KIRREL3: variants seen among roughly 807,000 people sequenced by gnomAD.
KIRREL3 encodes kin of IRRE-like protein 3.
In KIRREL3, 36 loss-of-function variants were observed where a neutral mutation model predicts 89.7. The observed-to-expected ratio is 0.40, with a 90% confidence interval of 0.31 to 0.53. The LOEUF (loss-of-function observed/expected upper bound fraction) is 0.53. Ranked by LOEUF, KIRREL3 falls within the 20% of genes least tolerant of loss-of-function variation. KIRREL3 has a pLI of 0.49. For synonymous variants in KIRREL3, 445 were observed against 441.4 expected (o/e 1.01, Z -0.10); for missense variants, 864 against 1,056.6 (o/e 0.82, Z 2.53).
rs1054232541 is a variant in KIRREL3 at position 126,459,778 on chromosome 11, G to A, written c.743-3324C>T. ...AAGTATTACATGGAGGAGAGGGTGG[G>A]AAAAGAGAGAATCTTCATGACTCAG... On this transcript the variant is annotated intron_variant, in intron 6 of 16. Transcript: ENST00000525144. The surrounding 1 kb of genome is among the most constrained non-coding windows in gnomAD (Gnocchi z 4.8). 2.0e-5 allele frequency among the ~76,000 whole-genome samples: 3 copies of A among 152,058 alleles called. No individual in the cohort carries two copies. The highest frequency in any genetic ancestry group is 4.4e-5 in the Non-Finnish European group (3 of 68,024).
intron 1 of KIRREL3, among the ~76,000 whole-genome samples, chr11:126,743,583 C>A (rs1033605764): frequency 6.6e-6 from 1 of 152,192 alleles, no homozygotes; most frequent in Non-Finnish European, 1.5e-5. Flanking sequence ...TCTTGTTGGA[C>A]GAATGGCAGT....
At position 126,622,736 on chromosome 11, in the gene KIRREL3, C is replaced by G. The variant is rs969207944; in HGVS notation, c.56-59824G>C. ...AAACTCCACAAAACTTCAGTGGAGA[C>G]TAGATTCTTGACTACTAGGAACTCA... On this transcript the variant is annotated intron_variant, in intron 1 of 16. Coordinates refer to ENST00000525144, the MANE Select transcript of KIRREL3 (RefSeq NM_032531.4). This position sits in a 1 kb window ranked among gnomAD's most constrained non-coding sequence, Gnocchi z 5.2. 1.3e-5 allele frequency among the ~76,000 whole-genome samples: 2 copies of G among 152,154 alleles called. No homozygotes were observed. The highest frequency in any genetic ancestry group is 2.9e-5 in the Non-Finnish European group (2 of 68,026).
In KIRREL3 at chr11:126,430,137, C is replaced by CAAAAAAA. The variant is rs138112843; in HGVS notation, c.1697-856_1697-850dup. ...TGGGCAACAGGATGAGACTCTGTCT[C>CAAAAAAA]AAAAAAAAAAAAGGAAATTCTTGAG... is the stretch of plus-strand genomic sequence containing the variant. On this transcript the variant is annotated intron_variant, in intron 14 of 16. Transcript: ENST00000525144. This position sits in a 1 kb window ranked among gnomAD's most constrained non-coding sequence, Gnocchi z 6.6. Among the ~76,000 whole-genome samples the CAAAAAAA allele has an allele frequency of 4.7e-5, 6 of 127,674 alleles. No individual in the cohort carries two copies. The highest frequency in any genetic ancestry group is 8.2e-5 in the Non-Finnish European group (5 of 60,664). 83.8% of individuals were successfully genotyped at this position (127,674 alleles called of 152,430 possible).
intron 1 of KIRREL3, among the ~76,000 whole-genome samples, chr11:126,869,360 G>C (rs972809295): frequency 6.6e-6 from 1 of 152,040 alleles, no homozygotes; most frequent in South Asian, 2.1e-4. Flanking sequence ...ATAAGGAACC[G>C]TTGCTGCCTA....
chr11:126,533,347 C>A (rs1959001328), intron 2 of KIRREL3, among the ~76,000 whole-genome samples: 2 of 152,156 alleles, frequency 1.3e-5, no homozygotes, highest in Non-Finnish European at 2.9e-5. Context: ...TCCTCGCCCC[C>A]AGGAACTCAT....
Position 126,558,878 on chromosome 11 carries a change from G to A in KIRREL3, c.133+3957C>T, listed in dbSNP as rs1939898529. On this transcript the variant is annotated intron_variant, in intron 2 of 16. Transcript: ENST00000525144. This position sits in a 1 kb window ranked among gnomAD's most constrained non-coding sequence, Gnocchi z 4.0. ...TATACATGTGTGCAGGTGTGTGCAT[G>A]CATGTGTGCATGTATACATATGCAT... 6.6e-6 allele frequency among the ~76,000 whole-genome samples: 1 copy of A among 151,046 alleles called. No individual in the cohort carries two copies. Among genetic ancestry groups the A allele is most frequent in the Non-Finnish European group, 1.5e-5 (1 of 67,634 alleles).
chr11:126,871,966 T>A (rs1945124065), intron 1 of KIRREL3, among the ~76,000 whole-genome samples: 1 of 152,162 alleles, frequency 6.6e-6, no homozygotes, highest in Non-Finnish European at 1.5e-5. Flanking sequence ...TATCCTCCTG[T>A]TTCACCACAG....
In KIRREL3 at chr11:126,745,471, C is replaced by G. The variant is rs1414594738; in HGVS notation, c.56-182559G>C. ...AAGATCAAGATGGAAAACAAACAAACAAACAAACAAACAAACAGAAAAACA... is the reference window on the plus strand; with the variant it reads ...AAGATCAAGATGGAAAACAAACAAAGAAACAAACAAACAAACAGAAAAACA... On this transcript the variant is annotated intron_variant, in intron 1 of 16. Transcript: ENST00000525144. Among the ~76,000 whole-genome samples the G allele has an allele frequency of 6.4e-4, 84 of 131,214 alleles. 2 individuals carry two copies. Among genetic ancestry groups the G allele is most frequent in the African/African-American group, 2.1e-3 (67 of 32,636 alleles). The allele number at this position is 131,214 out of a possible 152,430, so 86.1% of individuals were successfully genotyped here.
At chr11:126,866,562 C>T (rs1033165295) in intron 1 of KIRREL3, among the ~76,000 whole-genome samples, 74 of 148,548 alleles carry the variant, frequency 5.0e-4, no homozygotes, top group Middle Eastern at 3.4e-3. Context: ...CCTGTGCCCA[C>T]GGGCCTAAGT....
At chr11:126,478,720 GGT>G (rs1306950249) in intron 4 of KIRREL3, among the ~76,000 whole-genome samples, 3 of 151,892 alleles carry the variant, frequency 2.0e-5, no homozygotes, top group Admixed American at 1.3e-4. Flanking sequence ...CATGTGTATG[GGT>G]GTGTGTATAC....
At chr11:126,712,938 T>C (rs991416236) in intron 1 of KIRREL3, among the ~76,000 whole-genome samples, 2 of 152,176 alleles carry the variant, frequency 1.3e-5, no homozygotes, top group African/African-American at 4.8e-5. Context: ...GGCGTGGTGC[T>C]AGGTATTAGG....
rs1395543479 is a variant in KIRREL3 at position 126,486,468 on chromosome 11, T to C, written c.434-13002A>G. 6.6e-6 allele frequency among the ~76,000 whole-genome samples: 1 copy of C among 152,168 alleles called. No individual in the cohort carries two copies. Among genetic ancestry groups the C allele is most frequent in the Non-Finnish European group, 1.5e-5 (1 of 68,020 alleles). ...CTGCAGGATGGGTGAGAGCGCTTCT[T>C]AGGTGTGTTTGCAGGAATAACCGGC... On this transcript the variant is annotated intron_variant, in intron 4 of 16. Transcript: ENST00000525144. The surrounding 1 kb of genome is among the most constrained non-coding windows in gnomAD (Gnocchi z 6.2).
intron 4 of KIRREL3, among the ~76,000 whole-genome samples, chr11:126,503,483 TAAAAAAC>T (rs993100503): frequency 2.0e-5 from 3 of 152,122 alleles, no homozygotes; most frequent in African/African-American, 7.2e-5. Context: ...CAGTGTGGTA[TAAAAAAC>T]ATTTGGGTAG....
chr11:126,583,595 G>A (rs369193284), intron 1 of KIRREL3, among the ~76,000 whole-genome samples: 5 of 152,230 alleles, frequency 3.3e-5, no homozygotes, highest in Admixed American at 1.3e-4. Context: ...AAATCCCAGC[G>A]TTGTCACTTA....
chr11:126,581,150 A>G (rs890524648), intron 1 of KIRREL3, among the ~76,000 whole-genome samples: 1 of 151,998 alleles, frequency 6.6e-6, no homozygotes, highest in African/African-American at 2.4e-5. Flanking sequence ...CATTGATTAA[A>G]TTTTCAAATA....
intron 11 of KIRREL3, among the ~76,000 whole-genome samples, chr11:126,439,371 T>A (rs1227857763): frequency 6.6e-6 from 1 of 151,588 alleles, no homozygotes; most frequent in Non-Finnish European, 1.5e-5. Context: ...CTCACCTTAA[T>A]TTTTTTGTTG....
At chr11:126,637,894 T>C (rs1182166017) in intron 1 of KIRREL3, among the ~76,000 whole-genome samples, 1 of 152,176 alleles carries the variant, frequency 6.6e-6, no homozygotes, top group African/African-American at 2.4e-5. Flanking sequence ...AGTAAACCGA[T>C]GACCATTGTA....
At chr11:126,749,746 A>C (rs188739216) in intron 1 of KIRREL3, among the ~76,000 whole-genome samples, 18 of 152,248 alleles carry the variant, frequency 1.2e-4, no homozygotes, top group East Asian at 5.8e-4. Flanking sequence ...GGAGGTGAGG[A>C]AGGTGAAAGT....
At position 126,656,276 on chromosome 11, in the gene KIRREL3, C is replaced by A; in HGVS notation, c.56-93364G>T. ...TGAGATATCAGGCTGGTTTCTTAAC[C>A]ATAACCTCCATGATTCAGTTTCTTC... On this transcript the variant is annotated intron_variant, in intron 1 of 16. Transcript: ENST00000525144. The surrounding 1 kb of genome is among the most constrained non-coding windows in gnomAD (Gnocchi z 4.0). 2 of 388,588 alleles carry A rather than the reference C, an allele frequency of 5.1e-6. No homozygotes were observed. The highest frequency in any genetic ancestry group is 1.9e-5 in the South Asian group (1 of 53,290). 24.1% of individuals were successfully genotyped at this position (388,588 alleles called of 1,614,324 possible).
Sources: gnomAD v4.1 joint callset for allele counts (sites outside exome capture counted in the v4.1 genomes callset) on GRCh38, gnomAD v4.1.1 for gene constraint, Gnocchi (gnomAD v3.1) non-coding constraint, MANE v1.5 for transcripts, NCBI Gene and HGNC (gene_info 2026-07-23, HGNC 2026-07-21) for gene names.